Variants in SCHIP1 observed in about 807,000 individuals in gnomAD.
SCHIP1 encodes schwannomin interacting protein 1.
Under a neutral mutation model 29.7 loss-of-function variants are expected in SCHIP1, and 8 were observed. The ratio of observed to expected loss-of-function variants is 0.27; its 90% CI spans 0.16 to 0.49. The LOEUF is 0.49. SCHIP1 is among the 20% of genes least tolerant of loss of function. The probability of loss-of-function intolerance (pLI) is 0.99; values close to 1 mark genes in which losing one functional copy is unlikely to be tolerated. For synonymous variants in SCHIP1, 76 were observed against 94.9 expected (o/e 0.80, Z 1.16); for missense variants, 193 against 294.6 (o/e 0.66, Z 2.52).
chr3:159,368,356 C>T, the SCHIP1 span, among the ~76,000 whole-genome samples: 1 of 152,276 alleles, frequency 6.6e-6, no homozygotes, highest in South Asian at 2.1e-4. Flanking sequence ...TCTCCACCTC[C>T]ACCACATTTA....
intron 2 of SCHIP1, 51 bp downstream of exon 3, chr3:159,866,332 C>A: frequency 6.7e-7 from 1 of 1,500,796 alleles, no homozygotes; most frequent in Non-Finnish European, 9.1e-7. Flanking sequence ...TGGATTCTGT[C>A]ACTTGACTAT....
chr3:159,708,757 G>T, the SCHIP1 span, among the ~76,000 whole-genome samples: 2 of 152,202 alleles, frequency 1.3e-5, no homozygotes, highest in Non-Finnish European at 2.9e-5. Context: ...AGGCCTAAAA[G>T]GCAATGAACC....
chr3:159,592,818 G>A, the SCHIP1 span, among the ~76,000 whole-genome samples: 2 of 152,118 alleles, frequency 1.3e-5, no homozygotes, highest in African/African-American at 4.8e-5. Context: ...GAAACAATAG[G>A]CCTGTGCTTG....
the SCHIP1 span, among the ~76,000 whole-genome samples, chr3:159,788,759 T>C: frequency 6.6e-6 from 1 of 152,188 alleles, no homozygotes; most frequent in Non-Finnish European, 1.5e-5. Context: ...GTAGGATACA[T>C]GCATTAAACA....
the SCHIP1 span, among the ~76,000 whole-genome samples, chr3:159,751,585 C>T: frequency 1.3e-5 from 2 of 149,418 alleles, no homozygotes; most frequent in African/African-American, 5.0e-5. Context: ...CACCCTGTCA[C>T]ACAGGCTGGA....
At chr3:159,489,614 T>G in the SCHIP1 span, among the ~76,000 whole-genome samples, 2 of 152,104 alleles carry the variant, frequency 1.3e-5, no homozygotes, top group South Asian at 4.1e-4. Flanking sequence ...TACATAAGAA[T>G]TACAATGAAT....
chr3:159,843,303 C>T (rs547640551), intron 1 of SCHIP1, among the ~76,000 whole-genome samples: 1 of 151,482 alleles, frequency 6.6e-6, no homozygotes. Flanking sequence ...ATGAGCGCGG[C>T]CTATCCCAAT....
At chr3:159,647,822 C>A in the SCHIP1 span, among the ~76,000 whole-genome samples, 5 of 152,114 alleles carry the variant, frequency 3.3e-5, no homozygotes, top group Non-Finnish European at 4.4e-5. Context: ...CATTTGGTTT[C>A]TTTGGGAAGC....
the SCHIP1 span, among the ~76,000 whole-genome samples, chr3:159,432,236 C>T: frequency 6.6e-6 from 1 of 150,418 alleles, no homozygotes; most frequent in Non-Finnish European, 1.5e-5. Context: ...CTCTATAGGG[C>T]TGCTTGAGAG....
At chr3:159,467,173 C>T in the SCHIP1 span, among the ~76,000 whole-genome samples, 1 of 151,944 alleles carries the variant, frequency 6.6e-6, no homozygotes, top group Non-Finnish European at 1.5e-5. Flanking sequence ...ATGCAATATG[C>T]CATAAATATC....
chr3:159,546,379 A>T, the SCHIP1 span, among the ~76,000 whole-genome samples: 1 of 152,094 alleles, frequency 6.6e-6, no homozygotes, highest in Admixed American at 6.6e-5. Flanking sequence ...GATAACTTTT[A>T]TTAGGCTAAG....
At chr3:159,549,039 T>C in the SCHIP1 span, among the ~76,000 whole-genome samples, 1 of 152,172 alleles carries the variant, frequency 6.6e-6, no homozygotes, top group African/African-American at 2.4e-5. Context: ...GTTTTTGTTT[T>C]AGCAGACCTT....
At chr3:159,751,613 C>T in the SCHIP1 span, among the ~76,000 whole-genome samples, 2 of 150,606 alleles carry the variant, frequency 1.3e-5, no homozygotes, top group Non-Finnish European at 1.5e-5. Context: ...GGCAGGATCT[C>T]GGCTCACTGC....
At chr3:159,744,289 C>T in the SCHIP1 span, among the ~76,000 whole-genome samples, 2 of 152,124 alleles carry the variant, frequency 1.3e-5, no homozygotes, top group Admixed American at 1.3e-4. Context: ...CATAAAGACC[C>T]AGTGTCTGAA....
chr3:159,882,869 G>T (rs554485210), intron 2 of SCHIP1, among the ~76,000 whole-genome samples: 4 of 152,102 alleles, frequency 2.6e-5, no homozygotes, highest in Non-Finnish European at 5.9e-5. Flanking sequence ...GCAGCCTCCC[G>T]ACCAAGTGCC....
the SCHIP1 span, among the ~76,000 whole-genome samples, chr3:159,681,207 G>T: frequency 6.6e-6 from 1 of 151,900 alleles, no homozygotes; most frequent in South Asian, 2.1e-4. Context: ...GATAAGAGGT[G>T]GGAGTGAGTG....
upstream of SCHIP1, among the ~76,000 whole-genome samples, chr3:159,837,944 A>G (rs1483172322): frequency 6.6e-6 from 1 of 152,202 alleles, no homozygotes. Flanking sequence ...GCCAGTGAGC[A>G]GGCCTAGAAA....
At chr3:159,297,835 G>C in the SCHIP1 span, among the ~76,000 whole-genome samples, 1 of 152,116 alleles carries the variant, frequency 6.6e-6, no homozygotes, top group Non-Finnish European at 1.5e-5. Context: ...TCAGGTCTTT[G>C]CTCAAATGAC....
At chr3:159,445,797 GTTCTCACTCATAGA>G in the SCHIP1 span, among the ~76,000 whole-genome samples, 1 of 143,968 alleles carries the variant, frequency 6.9e-6, no homozygotes, top group East Asian at 2.1e-4. Flanking sequence ...AACACTGCAT[GTTCTCACTCATAGA>G]TGGGAATTGA....
Sources: allele counts gnomAD v4.1 joint callset (sites outside exome capture counted in the v4.1 genomes callset), GRCh38; gene constraint gnomAD v4.1.1; transcripts MANE v1.5; gene names NCBI Gene and HGNC (gene_info 2026-07-23, HGNC 2026-07-21).